GPHN: variants seen among roughly 807,000 people sequenced by gnomAD.
GPHN encodes the protein gephyrin.
GPHN carries 17 observed loss-of-function variants against 95.5 expected under a neutral mutation model. The ratio of observed to expected loss-of-function variants is 0.18; its 90% CI spans 0.12 to 0.27. The LOEUF (loss-of-function observed/expected upper bound fraction) is 0.27, where lower values mean the gene tolerates loss of function less well. GPHN is among the 10% of genes least tolerant of loss of function. The pLI, the probability that GPHN is intolerant of heterozygous loss-of-function variation, is 1.00. For missense variants in GPHN, 660 were observed against 978.1 expected, an observed-to-expected ratio of 0.67 and a Z score of 4.34; for synonymous variants, 320 against 322.5, an observed-to-expected ratio of 0.99 and a Z score of 0.08.
intron 4 of GPHN, among the ~76,000 whole-genome samples, chr14:66,826,911 A>G (rs537080966): frequency 2.0e-5 from 3 of 152,236 alleles, no homozygotes; most frequent in South Asian, 4.1e-4. Context: ...AGTCTTTCCA[A>G]TGACCAGACC....
the GPHN span, chr14:67,338,438 A>G: frequency 4.7e-6 from 3 of 636,880 alleles, no homozygotes; most frequent in East Asian, 2.8e-5. Flanking sequence ...TCTTTCATCC[A>G]TGATAAATGG....
the GPHN span, among the ~76,000 whole-genome samples, chr14:67,268,021 GCTCCTATGCATA>G: frequency 6.6e-6 from 1 of 151,872 alleles, no homozygotes; most frequent in South Asian, 2.1e-4. Flanking sequence ...TATTAATATT[GCTCCTATGCATA>G]CTCATTACAA....
At chr14:67,273,873 T>C in the GPHN span, among the ~76,000 whole-genome samples, 2 of 152,258 alleles carry the variant, frequency 1.3e-5, no homozygotes, top group Non-Finnish European at 2.9e-5. Flanking sequence ...TGATGACCAG[T>C]GATAATGAGC....
chr14:67,429,982 C>T, the GPHN span, among the ~76,000 whole-genome samples: 1 of 152,148 alleles, frequency 6.6e-6, no homozygotes, highest in East Asian at 1.9e-4. Flanking sequence ...TCACGTGGCT[C>T]ATAAACTGTG....
intron 13 of GPHN, among the ~76,000 whole-genome samples, chr14:67,101,873 T>TTTATTTAC (rs2077717697): frequency 6.6e-6 from 1 of 151,270 alleles, no homozygotes; most frequent in African/African-American, 2.4e-5. Flanking sequence ...TATTTATTTA[T>TTTATTTAC]TTATTTATTT....
At chr14:67,272,100 A>G in the GPHN span, 1 of 152,006 alleles carries the variant, frequency 6.6e-6, no homozygotes, top group Admixed American at 6.6e-5. Flanking sequence ...CTTAATAACC[A>G]TAGTATCTAG....
At chr14:67,495,086 G>A in the GPHN span, among the ~76,000 whole-genome samples, 1 of 152,140 alleles carries the variant, frequency 6.6e-6, no homozygotes, top group Non-Finnish European at 1.5e-5. Context: ...TAAAAAGTTT[G>A]GAGGCAAAAA....
chr14:66,860,763 A>G (rs534897726), intron 4 of GPHN, among the ~76,000 whole-genome samples: 1 of 152,138 alleles, frequency 6.6e-6, no homozygotes, highest in Non-Finnish European at 1.5e-5. Context: ...TAGCATTTTT[A>G]TGAGTTTTCT....
the GPHN span, among the ~76,000 whole-genome samples, chr14:67,465,341 AGGG>A: frequency 6.8e-6 from 1 of 148,004 alleles, no homozygotes. Context: ...CGGGAGCTGC[AGGG>A]AGAACTACAA....
intron 2 of GPHN, among the ~76,000 whole-genome samples, chr14:66,709,752 C>G (rs2069436097): frequency 6.6e-6 from 1 of 151,984 alleles, no homozygotes; most frequent in Admixed American, 6.6e-5. Context: ...AGTCACAGAC[C>G]TAATTTTATG....
At chr14:66,514,478 T>C (rs1167210049) in intron 1 of GPHN, among the ~76,000 whole-genome samples, 3 of 152,026 alleles carry the variant, frequency 2.0e-5, no homozygotes, top group Non-Finnish European at 4.4e-5. Context: ...AAGAAATCAC[T>C]CTCTAAGATC....
the GPHN span, among the ~76,000 whole-genome samples, chr14:67,355,642 G>A: frequency 1.3e-5 from 2 of 152,034 alleles, no homozygotes; most frequent in Non-Finnish European, 1.5e-5. Context: ...TATAAGTTCC[G>A]GGGAAAGAGT....
chr14:67,578,057 C>G, the GPHN span: 1 of 1,613,976 alleles, frequency 6.2e-7, no homozygotes, highest in Non-Finnish European at 8.5e-7. This position sits in a 1 kb window ranked among gnomAD's most constrained non-coding sequence, Gnocchi z 5.0. Flanking sequence ...CCGGTGGAAG[C>G]TGCCTCGGTG....
intron 9 of GPHN, among the ~76,000 whole-genome samples, chr14:67,011,977 G>A (rs925355126): frequency 1.6e-4 from 25 of 152,052 alleles, no homozygotes; most frequent in African/African-American, 6.0e-4. Context: ...GAAATATATA[G>A]GAAATCAAAA....
intron 3 of GPHN, among the ~76,000 whole-genome samples, chr14:66,783,266 T>TC (rs2059667548): frequency 6.6e-6 from 1 of 152,190 alleles, no homozygotes; most frequent in African/African-American, 2.4e-5. Context: ...TAGTTCTGAA[T>TC]CCCTCACCTG....
At chr14:67,034,294 A>G (rs1485407320) in intron 10 of GPHN, among the ~76,000 whole-genome samples, 1 of 152,180 alleles carries the variant, frequency 6.6e-6, no homozygotes, top group Non-Finnish European at 1.5e-5. Context: ...TGTAAGTCTC[A>G]TGGTAATTAC....
chr14:67,613,292 T>C, the GPHN span: 1 of 152,870 alleles, frequency 6.5e-6, no homozygotes, highest in African/African-American at 2.4e-5. Flanking sequence ...TCCCAGGTAC[T>C]TAGGAGGCTG....
At chr14:67,642,076 C>T in the GPHN span, 1 of 1,084,348 alleles carries the variant, frequency 9.2e-7, no homozygotes, top group Non-Finnish European at 1.3e-6. Flanking sequence ...TTTACTGTGA[C>T]AAAATGATTA....
chr14:66,803,130 G>A (rs1336997437), intron 3 of GPHN, among the ~76,000 whole-genome samples: 2 of 152,282 alleles, frequency 1.3e-5, no homozygotes, highest in South Asian at 4.2e-4. Flanking sequence ...AGTTCTGATT[G>A]CTAGGATCAG....
Sources: gnomAD v4.1 joint callset for allele counts (sites outside exome capture counted in the v4.1 genomes callset) on GRCh38, gnomAD v4.1.1 for gene constraint, Gnocchi (gnomAD v3.1) non-coding constraint, MANE v1.5 for transcripts, NCBI Gene and HGNC (gene_info 2026-07-23, HGNC 2026-07-21) for gene names.